DPP6: variants seen among roughly 807,000 people sequenced by gnomAD.
DPP6 encodes the protein A-type potassium channel modulatory protein DPP6.
In DPP6, 69 loss-of-function variants were observed where a neutral mutation model predicts 122.6. The ratio of observed to expected loss-of-function variants is 0.56; its 90% confidence interval spans 0.46 to 0.69. The LOEUF is 0.69. Among genes scored for constraint, DPP6 ranks in the 30% least tolerant of loss-of-function variants. DPP6 has a pLI of 0.00. For synonymous variants in DPP6, 418 were observed against 433.1 expected, an observed-to-expected ratio of 0.97 and a Z score of 0.43; for missense variants, 928 against 1,116.9, an observed-to-expected ratio of 0.83 and a Z score of 2.41.
At chr7:154,233,544 A>C (rs2150856220) in intron 1 of DPP6, among the ~76,000 whole-genome samples, 1 of 152,280 alleles carries the variant, frequency 6.6e-6, no homozygotes, top group South Asian at 2.1e-4. Flanking sequence ...TGTCCTTATG[A>C]AAAGAGGAAA....
rs559886929 is a variant in DPP6 at position 154,172,315 on chromosome 7, G to A, written c.243+119252G>A. Among the ~76,000 whole-genome samples the A allele has an allele frequency of 3.3e-5, 5 of 152,270 alleles. No individual in the cohort carries two copies. In the East Asian group the frequency reaches 7.7e-4, roughly 23 times the overall value. ...ACAAGAAAATATCAAGGAGCGATAA[G>A]AGCCCTGATAATTATTTAAGATGAG... is the stretch of plus-strand genomic sequence containing the variant. On this transcript the variant is annotated intron_variant, in intron 1 of 25. Transcript: ENST00000377770.
chr7:154,014,325 G>A (rs2533851), intron 1 of DPP6, among the ~76,000 whole-genome samples: 5,086 of 117,006 alleles, frequency 0.043, 187 homozygotes, highest in South Asian at 0.076. Flanking sequence ...AACCTTATCT[G>A]TGACCATGAA....
the DPP6 span, among the ~76,000 whole-genome samples, chr7:153,826,979 A>G: frequency 7.6e-6 from 1 of 130,984 alleles, no homozygotes. Context: ...GGAAAAATAA[A>G]TAGAACAGTG....
At chr7:154,040,549 G>A (rs1266520588) in intron 1 of DPP6, among the ~76,000 whole-genome samples, 7 of 146,640 alleles carry the variant, frequency 4.8e-5, no homozygotes, top group East Asian at 2.0e-4. Flanking sequence ...AATATGGAGC[G>A]AGGCTCACAT....
intron 4 of DPP6, among the ~76,000 whole-genome samples, chr7:154,543,967 C>A (rs867386652): frequency 1.4e-4 from 18 of 129,754 alleles, no homozygotes; most frequent in Admixed American, 5.2e-4. Context: ...ACACGCCAGC[C>A]TGGGCAACAG....
the DPP6 span, among the ~76,000 whole-genome samples, chr7:153,849,087 T>A: frequency 1.3e-5 from 2 of 152,174 alleles, no homozygotes; most frequent in Non-Finnish European, 2.9e-5. Context: ...TCATTGAGCA[T>A]AGACCTTAAA....
intron 1 of DPP6, among the ~76,000 whole-genome samples, chr7:154,264,937 G>A (rs1170925428): frequency 6.6e-6 from 1 of 151,508 alleles, no homozygotes; most frequent in African/African-American, 2.4e-5. Context: ...TGATGTTAAT[G>A]ATGATAGTGA....
chr7:154,653,177 G>A (rs1006734054), intron 6 of DPP6, among the ~76,000 whole-genome samples: 2 of 152,218 alleles, frequency 1.3e-5, no homozygotes, highest in East Asian at 3.9e-4. Flanking sequence ...CACATATGAT[G>A]TAAGGTAAAA....
At chr7:154,482,604 A>T (rs370522063) in intron 3 of DPP6, among the ~76,000 whole-genome samples, 1 of 152,232 alleles carries the variant, frequency 6.6e-6, no homozygotes, top group African/African-American at 2.4e-5. Context: ...TACTAAGTGT[A>T]TTAAGTAGGA....
At chr7:154,549,822 A>C (rs1286248718) in intron 4 of DPP6, among the ~76,000 whole-genome samples, 1 of 152,170 alleles carries the variant, frequency 6.6e-6, no homozygotes, top group South Asian at 2.1e-4. Flanking sequence ...TGAATAATGA[A>C]TCAACCTCCA....
chr7:154,150,214 A>G (rs563337534), intron 1 of DPP6, among the ~76,000 whole-genome samples: 6 of 152,262 alleles, frequency 3.9e-5, no homozygotes, highest in Non-Finnish European at 5.9e-5. Context: ...TTAAAAATTT[A>G]GTCCATAAAC....
intron 23 of DPP6, among the ~76,000 whole-genome samples, chr7:154,888,087 CTTT>C (rs532540671): frequency 1.5e-4 from 18 of 118,910 alleles, no homozygotes; most frequent in African/African-American, 3.1e-4. Flanking sequence ...GGAGAGTGAG[CTTT>C]TTTTTTTTTT....
intron 1 of DPP6, among the ~76,000 whole-genome samples, chr7:153,959,267 C>T (rs1477534423): frequency 6.6e-6 from 1 of 151,804 alleles, no homozygotes; most frequent in East Asian, 2.0e-4. Context: ...ACATAGCATG[C>T]TCGTTACTAA....
intron 1 of DPP6, among the ~76,000 whole-genome samples, chr7:153,892,625 TG>T (rs1210044262): frequency 6.6e-6 from 1 of 152,196 alleles, no homozygotes; most frequent in Admixed American, 6.5e-5. Flanking sequence ...TTGAAGTCTG[TG>T]GGGACAGCAT....
At chr7:154,191,991 C>A (rs865920980) in intron 1 of DPP6, among the ~76,000 whole-genome samples, 9 of 152,260 alleles carry the variant, frequency 5.9e-5, no homozygotes, top group South Asian at 2.1e-4. Flanking sequence ...AGAAAAAAAA[C>A]CACACACAAG....
At chr7:153,986,421 A>G (rs1796853942) in intron 1 of DPP6, among the ~76,000 whole-genome samples, 1 of 152,074 alleles carries the variant, frequency 6.6e-6, no homozygotes, top group Non-Finnish European at 1.5e-5. Flanking sequence ...TTTAATTAAG[A>G]TGTGATCCAG....
intron 1 of DPP6, among the ~76,000 whole-genome samples, chr7:154,219,493 A>G (rs1220934338): frequency 6.6e-6 from 1 of 152,240 alleles, no homozygotes; most frequent in Non-Finnish European, 1.5e-5. Flanking sequence ...CTTTCCGGGT[A>G]ACTGAAGCTT....
At chr7:154,859,140 G>A (rs940531860) in intron 17 of DPP6, among the ~76,000 whole-genome samples, 9 of 152,230 alleles carry the variant, frequency 5.9e-5, no homozygotes, top group Non-Finnish European at 1.2e-4. Flanking sequence ...AGCAGCCTCT[G>A]TGACCACTGA....
At chr7:154,234,129 A>C (rs1159741127) in intron 1 of DPP6, among the ~76,000 whole-genome samples, 1 of 152,202 alleles carries the variant, frequency 6.6e-6, no homozygotes, top group African/African-American at 2.4e-5. Flanking sequence ...TTAAGTTAGG[A>C]CAATGTGGCC....
Sources: allele counts gnomAD v4.1 joint callset (sites outside exome capture counted in the v4.1 genomes callset), GRCh38; gene constraint gnomAD v4.1.1; transcripts MANE v1.5; gene names NCBI Gene and HGNC (gene_info 2026-07-23, HGNC 2026-07-21).